MPP7: variants seen among roughly 807,000 people sequenced by gnomAD.
MPP7 encodes MAGUK p55 subfamily member 7.
A neutral mutation model predicts 76.5 loss-of-function variants in MPP7; 60 were observed. The ratio of observed to expected loss-of-function variants is 0.78; its 90% CI spans 0.64 to 0.97. MPP7 has a LOEUF of 0.97. Ranked by LOEUF, MPP7 falls within the 50% of genes least tolerant of loss-of-function variation. The probability of loss-of-function intolerance (pLI) is 0.00; values close to 1 mark genes in which losing one functional copy is unlikely to be tolerated. For synonymous variants in MPP7, 237 were observed against 244.5 expected (o/e 0.97, Z 0.29); for missense variants, 641 against 694.0 (o/e 0.92, Z 0.86).
chr10:28,069,883 T>C (rs7908524), intron 12 of MPP7, 31 bp from the exon 13 acceptor site: 6 of 1,515,022 alleles, frequency 4.0e-6, no homozygotes, highest in Admixed American at 1.7e-5. Flanking sequence ...AATTCATTAT[T>C]GGACAAAACA....
At chr10:28,061,977 A>T (rs1851804808) in intron 13 of MPP7, among the ~76,000 whole-genome samples, 1 of 152,170 alleles carries the variant, frequency 6.6e-6, no homozygotes, top group Non-Finnish European at 1.5e-5. Context: ...AACTAACAGA[A>T]TTCACAGCCG....
intron 2 of MPP7, among the ~76,000 whole-genome samples, chr10:28,315,814 C>G (rs535532013): frequency 6.6e-6 from 1 of 152,202 alleles, no homozygotes; most frequent in East Asian, 1.9e-4. Context: ...AGTAACTTTA[C>G]AGTGGAAAAA....
chr10:28,108,639 A>G (rs1834401205), intron 11 of MPP7, among the ~76,000 whole-genome samples: 1 of 152,042 alleles, frequency 6.6e-6, no homozygotes, highest in Non-Finnish European at 1.5e-5. Context: ...ACTGGGTGAC[A>G]GAGCCAGACC....
intron 11 of MPP7, chr10:28,118,548 A>G (rs1834729333): frequency 2.0e-6 from 2 of 985,404 alleles, no homozygotes; most frequent in African/African-American, 3.5e-5. Context: ...CCTTTCTGTT[A>G]GTGAGTTGGC....
At chr10:28,103,772 T>G (rs762298763) in intron 11 of MPP7, among the ~76,000 whole-genome samples, 8 of 152,000 alleles carry the variant, frequency 5.3e-5, no homozygotes, top group Admixed American at 6.6e-5. Flanking sequence ...GAAATAGCAT[T>G]ATAAGAAAGT....
chr10:28,150,353 C>T (rs1186033294), intron 3 of MPP7, among the ~76,000 whole-genome samples: 1 of 152,180 alleles, frequency 6.6e-6, no homozygotes, highest in Non-Finnish European at 1.5e-5. Context: ...TGTCTTTCCC[C>T]TCAATAAGCA....
intron 1 of MPP7, among the ~76,000 whole-genome samples, chr10:28,281,234 T>C (rs1840663449): frequency 6.6e-6 from 1 of 151,926 alleles, no homozygotes; most frequent in Admixed American, 6.6e-5. Flanking sequence ...CGCACGCCAC[T>C]ACACCTGGCA....
At chr10:28,163,150 A>G (rs1397225736) in intron 3 of MPP7, among the ~76,000 whole-genome samples, 1 of 152,056 alleles carries the variant, frequency 6.6e-6, no homozygotes, top group African/African-American at 2.4e-5. Context: ...AGCACCTCCA[A>G]TCCTCCCTGT....
chr10:28,145,427 C>T (rs945182844), intron 5 of MPP7, among the ~76,000 whole-genome samples: 9 of 152,096 alleles, frequency 5.9e-5, no homozygotes, highest in African/African-American at 2.2e-4. Context: ...TACCTTGCTT[C>T]TGTTTAAAAG....
chr10:28,061,155 AAAAC>A (rs201539102), intron 13 of MPP7, among the ~76,000 whole-genome samples: 2,430 of 152,186 alleles, frequency 0.016, 70 homozygotes, highest in African/African-American at 0.054. Context: ...GAAAGAACCA[AAAAC>A]AAAAAAAAAC....
chr10:28,278,304 C>T (rs140582696), intron 1 of MPP7, among the ~76,000 whole-genome samples: 2 of 152,188 alleles, frequency 1.3e-5, no homozygotes, highest in South Asian at 2.1e-4. Context: ...GCATTATCTT[C>T]GCAGCATCTT....
chr10:28,165,679 T>C (rs1023607633), intron 3 of MPP7, among the ~76,000 whole-genome samples: 4 of 152,150 alleles, frequency 2.6e-5, no homozygotes, highest in African/African-American at 7.2e-5. Context: ...AAAAATCATT[T>C]TGATAAGCAC....
chr10:28,211,941 C>G (rs10763651), intron 2 of MPP7, among the ~76,000 whole-genome samples: 13,547 of 151,908 alleles, frequency 0.089, 1,132 homozygotes, highest in East Asian at 0.41. Context: ...GTGATTAGAT[C>G]TAACTTACAT....
chr10:28,334,266 G>T (rs1353591967), intron 1 of MPP7, among the ~76,000 whole-genome samples: 1 of 151,926 alleles, frequency 6.6e-6, no homozygotes, highest in Non-Finnish European at 1.5e-5. Flanking sequence ...AATGAAAGAT[G>T]AAAAATTCCT....
chr10:28,162,526 T>C (rs538858565), intron 3 of MPP7, among the ~76,000 whole-genome samples: 9 of 152,302 alleles, frequency 5.9e-5, no homozygotes, highest in Non-Finnish European at 1.0e-4. Flanking sequence ...TGGACAAGTA[T>C]GGCCACCAAA....
chr10:28,232,170 C>A (rs1265569619), intron 2 of MPP7, among the ~76,000 whole-genome samples: 2 of 152,012 alleles, frequency 1.3e-5, no homozygotes, highest in East Asian at 3.9e-4. Flanking sequence ...CCAGCCTGGG[C>A]AACACAGGAA....
At chr10:28,089,929 T>C (rs1853216651) in intron 11 of MPP7, 88 bp from the exon 12 acceptor site, 1 of 735,578 alleles carries the variant, frequency 1.4e-6, no homozygotes, top group East Asian at 2.7e-5. Flanking sequence ...TTGGGTTGGA[T>C]TTTATTTACC....
At chr10:28,172,890 A>C (rs1022107171) in intron 3 of MPP7, among the ~76,000 whole-genome samples, 3 of 152,200 alleles carry the variant, frequency 2.0e-5, no homozygotes, top group African/African-American at 7.2e-5. Flanking sequence ...TCTCATTATT[A>C]CTAATAATTA....
In MPP7 at chr10:28,332,246, CGTGTGTGTGTGT is replaced by C. The variant is rs4018712; in HGVS notation, c.-206+2160_-206+2171del. ...ACATTGCCAGTTTGTCAAATGTATG[CGTGTGTGTGTGT>C]GTGTGTGTGTGTGTGTGTGTTTAAT... On this transcript the variant is annotated intron_variant, in intron 1 of 11. Transcript: ENST00000441595. Among the ~76,000 whole-genome samples, 154 of 146,794 alleles carry C rather than the reference CGTGTGTGTGTGT, an allele frequency of 1.0e-3. 2 individuals carry two copies. Among genetic ancestry groups the C allele is most frequent in the Non-Finnish European group, 3.6e-4 (24 of 66,840 alleles).
Sources: allele counts gnomAD v4.1 joint callset (sites outside exome capture counted in the v4.1 genomes callset), GRCh38; gene constraint gnomAD v4.1.1; transcripts MANE v1.5; gene names NCBI Gene and HGNC (gene_info 2026-07-23, HGNC 2026-07-21).